PLEKHA5: variants seen among roughly 807,000 people sequenced by gnomAD.
PLEKHA5 encodes the protein pleckstrin homology domain containing A5, also known as pleckstrin homology domain-containing family A member 5.
Under a neutral mutation model 181.9 loss-of-function variants are expected in PLEKHA5, and 55 were observed. The ratio of observed to expected loss-of-function variants is 0.30; its 90% CI spans 0.24 to 0.38. The LOEUF is 0.38. PLEKHA5 is among the 10% of genes least tolerant of loss of function. The pLI, the probability that PLEKHA5 is intolerant of heterozygous loss-of-function variation, is 1.00. For missense variants in PLEKHA5, 1,432 were observed against 1,549.5 expected, an observed-to-expected ratio of 0.92 and a Z score of 1.27; for synonymous variants, 535 against 529.4, an observed-to-expected ratio of 1.01 and a Z score of -0.15.
At chr12:19,363,080 TATG>T (rs1331860952) in intron 29 of PLEKHA5, among the ~76,000 whole-genome samples, 1 of 151,732 alleles carries the variant, frequency 6.6e-6, no homozygotes. Context: ...TTCCAGAAAT[TATG>T]GTGATTTTCT....
At chr12:19,357,535 T>A (rs1473832363) in intron 26 of PLEKHA5, among the ~76,000 whole-genome samples, 1 of 151,210 alleles carries the variant, frequency 6.6e-6, no homozygotes, top group Admixed American at 6.6e-5. Context: ...CGTGAGCCAC[T>A]GCACCCAGCC....
intron 4 of PLEKHA5, among the ~76,000 whole-genome samples, 185 bp downstream of exon 4, chr12:19,254,208 T>TG (rs1280776526): frequency 6.6e-6 from 1 of 152,176 alleles, no homozygotes; most frequent in Non-Finnish European, 1.5e-5. Flanking sequence ...TCATGAAGAA[T>TG]GTAATTTCAG....
intron 3 of PLEKHA5, among the ~76,000 whole-genome samples, chr12:19,133,500 A>G (rs1368285046): frequency 6.6e-6 from 1 of 152,054 alleles, no homozygotes. Flanking sequence ...GTTTATAAAC[A>G]ATAACAGATA....
At chr12:19,360,794 C>T (rs759161392) in intron 28 of PLEKHA5, among the ~76,000 whole-genome samples, 2 of 151,828 alleles carry the variant, frequency 1.3e-5, no homozygotes, top group Non-Finnish European at 2.9e-5. Flanking sequence ...CTGACCCTGT[C>T]GCCCAGGCTG....
At chr12:19,231,941 C>T (rs1264855533) in intron 3 of PLEKHA5, among the ~76,000 whole-genome samples, 1 of 151,632 alleles carries the variant, frequency 6.6e-6, no homozygotes, top group Non-Finnish European at 1.5e-5. Context: ...CTTCAAGCAC[C>T]CAAAGATAGA....
intron 3 of PLEKHA5, among the ~76,000 whole-genome samples, chr12:19,161,009 A>G (rs1209849959): frequency 6.6e-6 from 1 of 152,196 alleles, no homozygotes; most frequent in Admixed American, 6.5e-5. Flanking sequence ...GATTTATTAT[A>G]GAAACACTAG....
Position 19,299,533 on chromosome 12 carries a change from C to T in PLEKHA5, c.2037+7836C>T, listed in dbSNP as rs7955432. 6.3e-3 allele frequency among the ~76,000 whole-genome samples: 965 copies of T among 152,312 alleles called. 8 individuals carry two copies. Among genetic ancestry groups the T allele is most frequent in the African/African-American group, 0.022 (906 of 41,566 alleles). ...TATTCCTGGTCTCACATCTAGATTTCGTCACGTATCCCGTTTTATTGTATA... is the reference window on the plus strand; with the variant it reads ...TATTCCTGGTCTCACATCTAGATTTTGTCACGTATCCCGTTTTATTGTATA... On this transcript the variant is annotated intron_variant, in intron 15 of 31. Transcript: ENST00000429027.
intron 20 of PLEKHA5, among the ~76,000 whole-genome samples, chr12:19,334,590 G>C (rs1488778903): frequency 1.3e-5 from 2 of 151,788 alleles, no homozygotes; most frequent in Admixed American, 6.6e-5. Flanking sequence ...AGCCATCAAA[G>C]ACCCACTATT....
chr12:19,259,523 G>T (rs916383773), intron 6 of PLEKHA5, among the ~76,000 whole-genome samples: 1 of 152,060 alleles, frequency 6.6e-6, no homozygotes, highest in African/African-American at 2.4e-5. Context: ...GGCCAAGGTG[G>T]GTGGATCACC....
chr12:19,373,497 C>T (rs1325755218), intron 31 of PLEKHA5: 1 of 151,848 alleles, frequency 6.6e-6, no homozygotes. Flanking sequence ...TGGAGAAACC[C>T]AGTCTCTACT....
At chr12:19,143,935 A>G (rs1448747641) in intron 3 of PLEKHA5, among the ~76,000 whole-genome samples, 2 of 152,170 alleles carry the variant, frequency 1.3e-5, no homozygotes, top group Non-Finnish European at 2.9e-5. Flanking sequence ...ATACTCTTGT[A>G]TGCATGTCTG....
At chr12:19,167,507 T>G (rs2044756461) in intron 3 of PLEKHA5, among the ~76,000 whole-genome samples, 1 of 148,314 alleles carries the variant, frequency 6.7e-6, no homozygotes, top group Admixed American at 6.9e-5. Context: ...TGCTGACAGC[T>G]TTCAGGTTTT....
At chr12:19,174,230 T>G (rs914219373) in intron 3 of PLEKHA5, among the ~76,000 whole-genome samples, 2 of 152,206 alleles carry the variant, frequency 1.3e-5, no homozygotes, top group African/African-American at 4.8e-5. Flanking sequence ...AAGGAGCTTT[T>G]AAGAGCAGTG....
chr12:19,334,983 GA>G (rs35656695), intron 20 of PLEKHA5, among the ~76,000 whole-genome samples: 11,728 of 49,972 alleles, frequency 0.23, 1,663 homozygotes, highest in East Asian at 0.53. Flanking sequence ...TTTTTTTTAT[GA>G]AAAAAAAAAA....
At chr12:19,155,946 T>A (rs1275150583) in intron 3 of PLEKHA5, among the ~76,000 whole-genome samples, 2 of 152,238 alleles carry the variant, frequency 1.3e-5, no homozygotes, top group African/African-American at 4.8e-5. Context: ...GAGTAGCCCC[T>A]TTCTCTGTGA....
At chr12:19,157,985 C>T (rs761041508) in intron 3 of PLEKHA5, among the ~76,000 whole-genome samples, 1 of 152,080 alleles carries the variant, frequency 6.6e-6, no homozygotes, top group Non-Finnish European at 1.5e-5. Flanking sequence ...TAAAAAACCT[C>T]TACTCATGTC....
intron 3 of PLEKHA5, among the ~76,000 whole-genome samples, chr12:19,148,518 A>C (rs1274110219): frequency 3.3e-5 from 5 of 152,224 alleles, no homozygotes; most frequent in Admixed American, 6.5e-5. Context: ...ATTCCTTCTG[A>C]ACCCTCTCTT....
intron 20 of PLEKHA5, among the ~76,000 whole-genome samples, chr12:19,326,412 G>A (rs1237966245): frequency 6.6e-6 from 1 of 152,102 alleles, no homozygotes; most frequent in African/African-American, 2.4e-5. Context: ...CATAGCACTA[G>A]TTCAAATCTA....
At chr12:19,246,720 A>G (rs1401294238) in intron 3 of PLEKHA5, among the ~76,000 whole-genome samples, 1 of 151,934 alleles carries the variant, frequency 6.6e-6, no homozygotes, top group Non-Finnish European at 1.5e-5. Flanking sequence ...TTACCTATAG[A>G]TATCAGATAA....
Sources: allele counts gnomAD v4.1 joint callset (sites outside exome capture counted in the v4.1 genomes callset), GRCh38; gene constraint gnomAD v4.1.1; transcripts MANE v1.5; gene names NCBI Gene and HGNC (gene_info 2026-07-23, HGNC 2026-07-21).